FOXRED1: variants seen among roughly 807,000 people sequenced by gnomAD.
The protein encoded by FOXRED1 is FAD dependent oxidoreductase domain containing 1.
A neutral mutation model predicts 57.8 loss-of-function variants in FOXRED1; 52 were observed. The ratio of observed to expected loss-of-function variants is 0.90; its 90% CI spans 0.72 to 1.13. The LOEUF (loss-of-function observed/expected upper bound fraction) is 1.13, where lower values mean the gene tolerates loss of function less well. Among genes scored for constraint, FOXRED1 ranks in the 50% most tolerant of loss-of-function variants. The pLI, the probability that FOXRED1 is intolerant of heterozygous loss-of-function variation, is 0.00. For missense variants in FOXRED1, 589 were observed against 625.2 expected (o/e 0.94, Z 0.62); for synonymous variants, 271 against 248.3 (o/e 1.09, Z -0.86).
Position 126,273,217 on chromosome 11 carries a change from T to C in FOXRED1, c.418-119T>C. 2.1e-6 allele frequency: 2 copies of C among 967,452 alleles called. No individual in the cohort carries two copies. The highest frequency in any genetic ancestry group is 3.4e-6 in the Non-Finnish European group (2 of 590,698). The allele number at this position is 967,452 out of a possible 1,614,324, so 59.9% of individuals were successfully genotyped here. A position where few individuals can be genotyped will look rare whatever the true frequency, so the allele number is the denominator to read the frequency against. On this transcript the variant is annotated intron_variant, in intron 3 of 10. Coordinates refer to ENST00000263578, the MANE Select transcript of FOXRED1 (RefSeq NM_017547.4). The surrounding 1 kb of genome is among the most constrained non-coding windows in gnomAD (Gnocchi z 5.9). ...GAGAGGGGGGCCCTGGCCTTCTTCC[T>C]AGTGGTGGTGCCGCAGGTCTGGGGC...
chr11:126,277,946 G>A lies in FOXRED1; in HGVS notation c.*257G>A, dbSNP rs1362557133. The A allele has an allele frequency of 3.1e-6, 2 of 651,370 alleles. No homozygotes were observed. Among genetic ancestry groups the A allele is most frequent in the Admixed American group, 2.1e-5 (1 of 48,232 alleles). The allele number at this position is 651,370 out of a possible 1,614,324, so 40.3% of individuals were successfully genotyped here. ...GTCACCCACCAGGGCAATCCATCTG[G>A]AGGCCTGAGCACCCTGGCCCAGGAC... On this transcript the variant is annotated 3_prime_UTR_variant, in exon 11 of 11. Transcript: ENST00000263578. This position sits in a 1 kb window ranked among gnomAD's most constrained non-coding sequence, Gnocchi z 6.8.
chr11:126,273,503 G>A lies in FOXRED1; in HGVS notation c.536+49G>A, dbSNP rs1482569365. On this transcript the variant is annotated intron_variant, in intron 4 of 10. Coordinates refer to ENST00000263578, the MANE Select transcript of FOXRED1 (RefSeq NM_017547.4). This position sits in a 1 kb window ranked among gnomAD's most constrained non-coding sequence, Gnocchi z 5.9. ...AGCTGCTTGGCAGCCAAAGGTGTTG[G>A]GTGACTCCTGCACCAGGTTAGGAAG... 1 of 1,222,726 alleles carries A rather than the reference G, an allele frequency of 8.2e-7. No homozygotes were observed. The highest frequency in any genetic ancestry group is 1.7e-5 in the Admixed American group (1 of 59,572). The allele number at this position is 1,222,726 out of a possible 1,614,324, so 75.7% of individuals were successfully genotyped here. A position where few individuals can be genotyped will look rare whatever the true frequency, so the allele number is the denominator to read the frequency against.
In FOXRED1 at chr11:126,273,188, C is replaced by A. The variant is rs1951038544; in HGVS notation, c.417+109C>A. ...CAGAGAGCAAGAATGGGTCAGCCAA[C>A]TAGGAGAGGGGGGCCCTGGCCTTCT... On this transcript the variant is annotated intron_variant, in intron 3 of 10. Coordinates refer to ENST00000263578, the MANE Select transcript of FOXRED1 (RefSeq NM_017547.4). The surrounding 1 kb of genome is among the most constrained non-coding windows in gnomAD (Gnocchi z 5.9). The A allele has an allele frequency of 1.0e-5, 10 of 956,510 alleles. No homozygotes were observed. Among genetic ancestry groups the A allele is most frequent in the Admixed American group, 1.7e-5 (1 of 59,042 alleles). 59.3% of individuals were successfully genotyped at this position (956,510 alleles called of 1,614,324 possible). A position where few individuals can be genotyped will look rare whatever the true frequency, so the allele number is the denominator to read the frequency against.
At chr11:126,269,548 G>T in intron 1 of FOXRED1, 2 of 679,532 alleles carry the variant, frequency 2.9e-6, no homozygotes, top group Non-Finnish European at 5.2e-6. Context: ...CGGTGGCACA[G>T]ATGTGCATTA....
At position 126,277,235 on chromosome 11, in the gene FOXRED1, G is replaced by A; in HGVS notation, c.1206+60G>A. On this transcript the variant is annotated intron_variant, in intron 10 of 10. Coordinates refer to ENST00000263578, the MANE Select transcript of FOXRED1 (RefSeq NM_017547.4). This position sits in a 1 kb window ranked among gnomAD's most constrained non-coding sequence, Gnocchi z 6.8. ...TGGACATTGGATGGGACAGATGACA[G>A]TGGAGCACATTGGTCCCCTCGGACC... is the stretch of plus-strand genomic sequence containing the variant. The A allele has an allele frequency of 7.9e-7, 1 of 1,260,964 alleles. No homozygotes were observed. The highest frequency in any genetic ancestry group is 1.2e-6 in the Non-Finnish European group (1 of 859,600). The allele number at this position is 1,260,964 out of a possible 1,614,324, so 78.1% of individuals were successfully genotyped here. A position where few individuals can be genotyped will look rare whatever the true frequency, so the allele number is the denominator to read the frequency against.
Position 126,274,556 on chromosome 11 carries a change from G to T in FOXRED1, c.537-371G>T, listed in dbSNP as rs1003602006. 1.9e-5 allele frequency: 6 copies of T among 316,410 alleles called. No individual in the cohort carries two copies. Among genetic ancestry groups the T allele is most frequent in the Non-Finnish European group, 3.7e-5 (6 of 160,686 alleles). The allele number at this position is 316,410 out of a possible 1,614,324, so 19.6% of individuals were successfully genotyped here. A position where few individuals can be genotyped will look rare whatever the true frequency, so the allele number is the denominator to read the frequency against. ...CCAGCTACTCCAGAGGCTGAAGCAG[G>T]AGAATCGCTTGAACCCGGGAGGAGG... is the stretch of plus-strand genomic sequence containing the variant. On this transcript the variant is annotated intron_variant, in intron 4 of 10. Transcript: ENST00000263578. This position sits in a 1 kb window ranked among gnomAD's most constrained non-coding sequence, Gnocchi z 4.8.
In FOXRED1 at chr11:126,277,807, C is replaced by T. The variant is rs1387896462; in HGVS notation, c.*118C>T. The T allele has an allele frequency of 8.7e-7, 1 of 1,144,670 alleles. No homozygotes were observed. Among genetic ancestry groups the T allele is most frequent in the Non-Finnish European group, 1.3e-6 (1 of 765,740 alleles). 70.9% of individuals were successfully genotyped at this position (1,144,670 alleles called of 1,614,324 possible). Reference sequence around the variant, plus strand: ...GCCTTCTCCCCCTCCCCAGTGTCCTCTCCTCTCAGGCAGGCCATTGCACCC... The same window carrying T: ...GCCTTCTCCCCCTCCCCAGTGTCCTTTCCTCTCAGGCAGGCCATTGCACCC... On this transcript the variant is annotated 3_prime_UTR_variant, in exon 11 of 11. Transcript: ENST00000263578. This position sits in a 1 kb window ranked among gnomAD's most constrained non-coding sequence, Gnocchi z 6.8.
At chr11:126,269,455 G>A (rs1405727460) in intron 1 of FOXRED1, 164 bp downstream of exon 1, 2 of 1,376,760 alleles carry the variant, frequency 1.5e-6, no homozygotes. Flanking sequence ...CTGTGCAGGT[G>A]TATGGCTCCC....
rs191264853 is a variant in FOXRED1 at position 126,272,290 on chromosome 11, C to T, written c.306+633C>T. On this transcript the variant is annotated intron_variant, in intron 2 of 10. Transcript: ENST00000263578. The surrounding 1 kb of genome is among the most constrained non-coding windows in gnomAD (Gnocchi z 4.6). ...AACTTGCTTCTTTTGGGTCCCGTTA[C>T]TTCTGAGGTTTTTTGCATTTTATTG... Among the ~76,000 whole-genome samples the T allele has an allele frequency of 1.2e-4, 18 of 151,398 alleles. No homozygotes were observed. Among genetic ancestry groups the T allele is most frequent in the Non-Finnish European group, 1.3e-4 (9 of 67,826 alleles).
At position 126,272,701 on chromosome 11, in the gene FOXRED1, G is replaced by C. The variant is rs917938074; in HGVS notation, c.307-268G>C. The C allele has an allele frequency of 9.1e-6, 5 of 550,746 alleles. No individual in the cohort carries two copies. The African/African-American group carries it at 9.4e-5, about 10-fold the overall frequency. 34.1% of individuals were successfully genotyped at this position (550,746 alleles called of 1,614,324 possible). On this transcript the variant is annotated intron_variant, in intron 2 of 10. Transcript: ENST00000263578. This position sits in a 1 kb window ranked among gnomAD's most constrained non-coding sequence, Gnocchi z 4.6. ...CCAAATGGTAGGTCAAACGTTAATC[G>C]CCTGCCCTTGGACTTCCAGGCCATT...
Position 126,275,594 on chromosome 11 carries a change from G to T in FOXRED1, c.733+166G>T. The T allele has an allele frequency of 2.8e-6, 2 of 723,324 alleles. No homozygotes were observed. The highest frequency in any genetic ancestry group is 3.0e-5 in the South Asian group (2 of 67,060). The allele number at this position is 723,324 out of a possible 1,614,324, so 44.8% of individuals were successfully genotyped here. On this transcript the variant is annotated intron_variant, in intron 6 of 10. Coordinates refer to ENST00000263578, the MANE Select transcript of FOXRED1 (RefSeq NM_017547.4). The surrounding 1 kb of genome is among the most constrained non-coding windows in gnomAD (Gnocchi z 5.9). Reference sequence around the variant, plus strand: ...CTCACTGATCTGCGTTGTGACTTGTGATCTGCTTGATGATTGCACCTGAGC... The same window carrying T: ...CTCACTGATCTGCGTTGTGACTTGTTATCTGCTTGATGATTGCACCTGAGC...
chr11:126,270,819 G>T (rs1363685973), intron 1 of FOXRED1: 2 of 157,862 alleles, frequency 1.3e-5, no homozygotes, highest in Non-Finnish European at 2.8e-5. Flanking sequence ...TTCACAGCAG[G>T]GGGTAGGATG....
chr11:126,275,907 G>A lies in FOXRED1; in HGVS notation c.810+37G>A, dbSNP rs1198698820. 1.3e-6 allele frequency: 2 copies of A among 1,546,580 alleles called. No homozygotes were observed. Among genetic ancestry groups the A allele is most frequent in the Non-Finnish European group, 1.8e-6 (2 of 1,118,618 alleles). On this transcript the variant is annotated intron_variant, in intron 7 of 10. Coordinates refer to ENST00000263578, the MANE Select transcript of FOXRED1 (RefSeq NM_017547.4). The surrounding 1 kb of genome is among the most constrained non-coding windows in gnomAD (Gnocchi z 5.9). Reference sequence around the variant, plus strand: ...GTCTGTGATGTCCTTTACCAAAATGGAGGGACAGGGAAGGTAGTGACTCTC... The same window carrying A: ...GTCTGTGATGTCCTTTACCAAAATGAAGGGACAGGGAAGGTAGTGACTCTC...
At position 126,275,788 on chromosome 11, in the gene FOXRED1, C is replaced by A; in HGVS notation, c.734-6C>A. 6.2e-7 allele frequency: 1 copy of A among 1,601,112 alleles called. No individual in the cohort carries two copies. The highest frequency in any genetic ancestry group is 8.6e-7 in the Non-Finnish European group (1 of 1,168,388). ...TACGGCCTATTTTTCATTTTCTTCT[C>A]TGCAGGTTTTGTCTCTTCATCTCAA... On this transcript the variant is annotated splice_polypyrimidine_tract_variant and splice_region_variant and intron_variant, in intron 6 of 10. Coordinates refer to ENST00000263578, the MANE Select transcript of FOXRED1 (RefSeq NM_017547.4). The surrounding 1 kb of genome is among the most constrained non-coding windows in gnomAD (Gnocchi z 5.9).
chr11:126,276,573 T>C, intron 9 of FOXRED1, 50 bp downstream of exon 9: 2 of 1,585,410 alleles, frequency 1.3e-6, no homozygotes, highest in Non-Finnish European at 1.7e-6. Flanking sequence ...AGAATAATTG[T>C]CACGAAACAA....
rs547461665 is a variant in FOXRED1 at position 126,273,209 on chromosome 11, C to CT, written c.418-125dup. The CT allele has an allele frequency of 1.3e-4, 129 of 964,476 alleles. No individual in the cohort carries two copies. The African/African-American group carries it at 1.9e-3, about 15-fold the overall frequency. 59.7% of individuals were successfully genotyped at this position (964,476 alleles called of 1,614,324 possible). A position where few individuals can be genotyped will look rare whatever the true frequency, so the allele number is the denominator to read the frequency against. On this transcript the variant is annotated intron_variant, in intron 3 of 10. Transcript: ENST00000263578. This position sits in a 1 kb window ranked among gnomAD's most constrained non-coding sequence, Gnocchi z 5.9. ...CCAACTAGGAGAGGGGGGCCCTGGC[C>CT]TTCTTCCTAGTGGTGGTGCCGCAGG...
chr11:126,272,780 T>C lies in FOXRED1; in HGVS notation c.307-189T>C. 1.5e-6 allele frequency: 1 copy of C among 656,126 alleles called. No homozygotes were observed. The highest frequency in any genetic ancestry group is 2.1e-5 in the Admixed American group (1 of 46,726). The allele number at this position is 656,126 out of a possible 1,614,324, so 40.6% of individuals were successfully genotyped here. ...TCCAGATGACTGACCCTCTCTGCTC[T>C]GCACATCCACTACTAATGATTTTAA... On this transcript the variant is annotated intron_variant, in intron 2 of 10. Transcript: ENST00000263578. The surrounding 1 kb of genome is among the most constrained non-coding windows in gnomAD (Gnocchi z 4.6).
At position 126,273,077 on chromosome 11, in the gene FOXRED1, A is replaced by G. The variant is rs1483854197; in HGVS notation, c.415A>G (p.Asn139Asp). ...LFSASFLRNI[N>D]EYLAVVDAPP... ...TTCAGCCAGCTTTCTACGGAACATC[A>G]ATGTAGGTGCAATGATATCCGGGAT... The change falls in exon 3 of 11, where the codon AAT becomes GAT. Residue 139 changes from asparagine (N) to aspartate (D), a missense_variant and splice_region_variant. Physicochemically the swap from Asn to Asp is conservative, Grantham distance 23. Coordinates refer to ENST00000263578, the MANE Select transcript of FOXRED1 (RefSeq NM_017547.4). The surrounding 1 kb of genome is among the most constrained non-coding windows in gnomAD (Gnocchi z 5.9). The G allele has an allele frequency of 6.6e-6, 10 of 1,514,846 alleles. No individual in the cohort carries two copies. Among genetic ancestry groups the G allele is most frequent in the Non-Finnish European group, 6.4e-6 (7 of 1,089,454 alleles). 93.8% of individuals were successfully genotyped at this position (1,514,846 alleles called of 1,614,324 possible). A position where few individuals can be genotyped will look rare whatever the true frequency, so the allele number is the denominator to read the frequency against.
chr11:126,277,037 G>T lies in FOXRED1; in HGVS notation c.1102-34G>T. 1.6e-6 allele frequency: 2 copies of T among 1,288,104 alleles called. No homozygotes were observed. The highest frequency in any genetic ancestry group is 2.3e-6 in the Non-Finnish European group (2 of 882,882). The allele number at this position is 1,288,104 out of a possible 1,614,324, so 79.8% of individuals were successfully genotyped here. A position where few individuals can be genotyped will look rare whatever the true frequency, so the allele number is the denominator to read the frequency against. ...GTCTGGGCCTGTCCTTGTGTCCCAG[G>T]CAATGTAAGCGTTGTCCCCACCTCT... On this transcript the variant is annotated intron_variant, in intron 9 of 10. Transcript: ENST00000263578. This position sits in a 1 kb window ranked among gnomAD's most constrained non-coding sequence, Gnocchi z 6.8.
Sources: gnomAD v4.1 joint callset for allele counts (sites outside exome capture counted in the v4.1 genomes callset) on GRCh38, gnomAD v4.1.1 for gene constraint, Gnocchi (gnomAD v3.1) non-coding constraint, MANE v1.5 for transcripts, NCBI Gene and HGNC (gene_info 2026-07-23, HGNC 2026-07-21) for gene names.